FSTL4: variants seen among roughly 807,000 people sequenced by gnomAD.
The protein encoded by FSTL4 is follistatin like 4.
In FSTL4, 28 loss-of-function variants were observed where a neutral mutation model predicts 78.2. The ratio of observed to expected loss-of-function variants is 0.36; its 90% CI spans 0.27 to 0.49. FSTL4 has a LOEUF of 0.49. Among genes scored for constraint, FSTL4 ranks in the 20% least tolerant of loss-of-function variants. FSTL4 has a pLI of 0.98. For missense variants in FSTL4, 922 were observed against 1,084.9 expected (o/e 0.85, Z 2.11); for synonymous variants, 422 against 440.5 (o/e 0.96, Z 0.53).
Position 133,611,591 on chromosome 5 carries a change from C to G in FSTL4, c.-11+734G>C, listed in dbSNP as rs1479398719. ...GCCCCCAGCCCGAACGCTGAACGCCCCCAACACACTGCTCCCTAGACACGT... is the reference window on the plus strand; with the variant it reads ...GCCCCCAGCCCGAACGCTGAACGCCGCCAACACACTGCTCCCTAGACACGT... On this transcript the variant is annotated intron_variant, in intron 1 of 15. Coordinates refer to ENST00000265342, the MANE Select transcript of FSTL4 (RefSeq NM_015082.2). This position sits in a 1 kb window ranked among gnomAD's most constrained non-coding sequence, Gnocchi z 4.9. 6.6e-6 allele frequency among the ~76,000 whole-genome samples: 1 copy of G among 152,188 alleles called. No homozygotes were observed. The highest frequency in any genetic ancestry group is 2.4e-5 in the African/African-American group (1 of 41,454).
At position 133,342,896 on chromosome 5, in the gene FSTL4, A is replaced by G. The variant is rs111913827; in HGVS notation, c.410-26244T>C. On this transcript the variant is annotated intron_variant, in intron 4 of 15. Coordinates refer to ENST00000265342, the MANE Select transcript of FSTL4 (RefSeq NM_015082.2). The stretch of plus-strand genomic sequence containing the variant: ...ATGGTACCCAGAGTATGCCTTTCCA[A>G]TAATCTCCCAGAATACCCTGGTTTC... 1.4e-3 allele frequency among the ~76,000 whole-genome samples: 207 copies of G among 152,246 alleles called. 2 individuals carry two copies. The highest frequency in any genetic ancestry group is 4.5e-3 in the African/African-American group (189 of 41,542).
chr5:133,210,235 C>T lies in FSTL4; in HGVS notation c.1672G>A (p.Val558Ile), dbSNP rs1468193338. 6.2e-7 allele frequency: 1 copy of T among 1,612,868 alleles called. No homozygotes were observed. The highest frequency in any genetic ancestry group is 8.5e-7 in the Non-Finnish European group (1 of 1,179,010). The change falls in exon 14 of 16, where the codon GTC becomes ATC. Residue 558 changes from valine (V) to isoleucine (I), a missense_variant. Physicochemically the swap from Val to Ile is conservative, Grantham distance 29 (BLOSUM62 3). Coordinates refer to ENST00000265342, the MANE Select transcript of FSTL4 (RefSeq NM_015082.2). Reference sequence around the variant, plus strand: ...TTGTGCACGTCCCCCCAGCTCAGGACCCACACTTGGTCATGTGACTTGTCA... The same window carrying T: ...TTGTGCACGTCCCCCCAGCTCAGGATCCACACTTGGTCATGTGACTTGTCA... ...SYDKSHDQVW[V>I]LSWGDVHKSR... is the part of the protein sequence containing the mutation.
At chr5:133,716,304 C>G in the FSTL4 span, among the ~76,000 whole-genome samples, 1 of 152,032 alleles carries the variant, frequency 6.6e-6, no homozygotes, top group Non-Finnish European at 1.5e-5. Flanking sequence ...GAGTAGTGTT[C>G]ATTCATGCAG....
intron 3 of FSTL4, among the ~76,000 whole-genome samples, chr5:133,453,519 G>A (rs1318180560): frequency 1.3e-5 from 2 of 152,148 alleles, no homozygotes; most frequent in East Asian, 3.9e-4. Context: ...GTCCCTCCTG[G>A]ACCCAGGCCA....
chr5:133,819,034 C>T, the FSTL4 span, among the ~76,000 whole-genome samples: 95 of 144,864 alleles, frequency 6.6e-4, no homozygotes, highest in African/African-American at 2.3e-3. Flanking sequence ...TCTGCCCAGC[C>T]GTCCACCCAC....
chr5:133,534,408 G>A (rs575892542), intron 3 of FSTL4, among the ~76,000 whole-genome samples: 22 of 152,206 alleles, frequency 1.4e-4, no homozygotes, highest in Non-Finnish European at 3.2e-4. Context: ...AGGATAAAAA[G>A]TGGATCTTTT....
intron 7 of FSTL4, among the ~76,000 whole-genome samples, chr5:133,241,251 G>A (rs1488265694): frequency 6.6e-6 from 1 of 152,210 alleles, no homozygotes; most frequent in African/African-American, 2.4e-5. Flanking sequence ...CTTACAATGA[G>A]TTCTGTTTTT....
chr5:133,616,590 C>T (rs983882204), upstream of FSTL4, among the ~76,000 whole-genome samples: 2 of 151,956 alleles, frequency 1.3e-5, no homozygotes, highest in African/African-American at 4.8e-5. Flanking sequence ...TTTGTAGAGA[C>T]GGGGTCTCCC....
intron 4 of FSTL4, among the ~76,000 whole-genome samples, chr5:133,392,386 G>A (rs1005708634): frequency 6.6e-6 from 1 of 152,194 alleles, no homozygotes; most frequent in Admixed American, 6.5e-5. Flanking sequence ...TCAGAGGGAT[G>A]GGGGCTGGTC....
At chr5:133,230,740 G>T (rs1032357842) in intron 8 of FSTL4, among the ~76,000 whole-genome samples, 2 of 152,054 alleles carry the variant, frequency 1.3e-5, no homozygotes, top group African/African-American at 4.8e-5. Flanking sequence ...CTCCTCCTGC[G>T]CCTTATCCCA....
intron 3 of FSTL4, among the ~76,000 whole-genome samples, chr5:133,559,380 A>T (rs1041261952): frequency 2.0e-5 from 3 of 152,218 alleles, no homozygotes; most frequent in Admixed American, 6.5e-5. Flanking sequence ...ACAAATGTCA[A>T]GCTTAACTTC....
At chr5:133,643,754 C>T in the FSTL4 span, among the ~76,000 whole-genome samples, 1 of 152,188 alleles carries the variant, frequency 6.6e-6, no homozygotes, top group African/African-American at 2.4e-5. Context: ...ATTGACTATC[C>T]TGCCTAATAA....
chr5:133,541,718 A>G (rs1759476346), intron 3 of FSTL4, among the ~76,000 whole-genome samples: 1 of 152,146 alleles, frequency 6.6e-6, no homozygotes, highest in Non-Finnish European at 1.5e-5. Flanking sequence ...TCGTTTTGAC[A>G]AGTCCCCATG....
chr5:133,320,739 G>A (rs1282024031), intron 4 of FSTL4, among the ~76,000 whole-genome samples: 1 of 152,162 alleles, frequency 6.6e-6, no homozygotes, highest in Admixed American at 6.5e-5. Flanking sequence ...TGGGCGTGGT[G>A]GCTCACGCCT....
chr5:133,390,880 G>C (rs1275701448), intron 4 of FSTL4, among the ~76,000 whole-genome samples: 3 of 136,902 alleles, frequency 2.2e-5, no homozygotes, highest in Middle Eastern at 3.3e-3. Flanking sequence ...AGCAGGCAGA[G>C]AGGCTGAGTG....
At chr5:133,576,293 C>A (rs964549536) in intron 2 of FSTL4, among the ~76,000 whole-genome samples, 1 of 152,162 alleles carries the variant, frequency 6.6e-6, no homozygotes, top group Non-Finnish European at 1.5e-5. Context: ...TGAGGCCCTG[C>A]CCCAGATCAT....
chr5:133,374,672 G>A (rs1007839542), intron 4 of FSTL4, among the ~76,000 whole-genome samples: 6 of 152,018 alleles, frequency 3.9e-5, no homozygotes, highest in African/African-American at 1.4e-4. Flanking sequence ...CAAGGATGGA[G>A]TCCTCATGAA....
intron 14 of FSTL4, among the ~76,000 whole-genome samples, chr5:133,207,216 A>G (rs1212549858): frequency 1.3e-5 from 2 of 152,208 alleles, no homozygotes; most frequent in Non-Finnish European, 2.9e-5. Flanking sequence ...TATATTTTAA[A>G]TCAAGCTCTT....
At chr5:133,531,628 C>T (rs1359743968) in intron 3 of FSTL4, among the ~76,000 whole-genome samples, 2 of 152,204 alleles carry the variant, frequency 1.3e-5, no homozygotes, top group Non-Finnish European at 2.9e-5. Flanking sequence ...TTTGCTAAGA[C>T]TGTGAGCTAC....
Sources: gnomAD v4.1 joint callset for allele counts (sites outside exome capture counted in the v4.1 genomes callset) on GRCh38, gnomAD v4.1.1 for gene constraint, Gnocchi (gnomAD v3.1) non-coding constraint, MANE v1.5 for transcripts, NCBI Gene and HGNC (gene_info 2026-07-23, HGNC 2026-07-21) for gene names.